EGFR: variants seen among roughly 807,000 people sequenced by gnomAD.
EGFR encodes avian erythroblastic leukemia viral (v-erb-b) oncogene homolog.
Under a neutral mutation model 143.0 loss-of-function variants are expected in EGFR, and 58 were observed. That is an observed-to-expected ratio of 0.41 (90% CI 0.33 to 0.50). The LOEUF (loss-of-function observed/expected upper bound fraction) is 0.50, where lower values mean the gene tolerates loss of function less well. Ranked by LOEUF, EGFR falls within the 20% of genes least tolerant of loss-of-function variation. EGFR has a pLI of 0.39. For synonymous variants in EGFR, 613 were observed against 594.4 expected (o/e 1.03, Z -0.45); for missense variants, 1,307 against 1,579.0 (o/e 0.83, Z 2.92).
chr7:55,065,177 T>A (rs186510886), intron 1 of EGFR, among the ~76,000 whole-genome samples: 1 of 152,210 alleles, frequency 6.6e-6, no homozygotes, highest in Admixed American at 6.5e-5. Context: ...TCCTCAGATG[T>A]GCAACTCTGG....
At chr7:55,038,759 T>C (rs1277540816) in intron 1 of EGFR, among the ~76,000 whole-genome samples, 2 of 152,258 alleles carry the variant, frequency 1.3e-5, no homozygotes, top group African/African-American at 2.4e-5. Flanking sequence ...TGTGTGTGTG[T>C]ATGTAAACCT....
At chr7:55,187,885 G>A (rs929185653) in intron 20 of EGFR, among the ~76,000 whole-genome samples, 4 of 152,138 alleles carry the variant, frequency 2.6e-5, no homozygotes, top group Non-Finnish European at 5.9e-5. Context: ...ATTTGTACAG[G>A]GGGATCCTGG....
intron 1 of EGFR, among the ~76,000 whole-genome samples, chr7:55,097,678 C>T (rs1056127935): frequency 6.6e-6 from 1 of 152,214 alleles, no homozygotes; most frequent in African/African-American, 2.4e-5. Flanking sequence ...CCTACAAACC[C>T]TGTGTCTGCC....
intron 1 of EGFR, among the ~76,000 whole-genome samples, chr7:55,113,993 G>A (rs369711168): frequency 3.4e-4 from 52 of 152,332 alleles, no homozygotes; most frequent in Admixed American, 8.5e-4. Context: ...CTAACTTGTG[G>A]CCAGGGTGGG....
At chr7:55,119,224 C>A (rs1404476354) in intron 1 of EGFR, 1 of 152,220 alleles carries the variant, frequency 6.6e-6, no homozygotes, top group Non-Finnish European at 1.5e-5. Flanking sequence ...GTACCTATTT[C>A]TCCATACACA....
rs1403923057 is a variant in EGFR at position 55,205,413 on chromosome 7, G to T, written c.3429G>T (p.Gln1143His). ...VGNPEYLNTV[Q>H]PTCVNSTFDS... Reference sequence around the variant, plus strand: ...ACCCCGAGTATCTCAACACTGTCCAGCCCACCTGTGTCAACAGCACATTCG... The same window carrying T: ...ACCCCGAGTATCTCAACACTGTCCATCCCACCTGTGTCAACAGCACATTCG... The change falls in exon 28 of 28, where the codon CAG (glutamine) becomes CAT (histidine). Residue 1143 changes from glutamine (Q) to histidine (H), a missense_variant. Physicochemically the swap from Gln to His is conservative, Grantham distance 24 (BLOSUM62 0). This residue lies in a region of EGFR where 313 missense variants were observed against 312.3 expected (regional missense o/e 1.00). Transcript: ENST00000275493. The T allele has an allele frequency of 6.2e-7, 1 of 1,614,076 alleles. No individual in the cohort carries two copies. The highest frequency in any genetic ancestry group is 1.3e-5 in the African/African-American group (1 of 75,002).
chr7:55,151,497 G>A, intron 5 of EGFR, 135 bp downstream of exon 5: 1 of 916,584 alleles, frequency 1.1e-6, no homozygotes, highest in Non-Finnish European at 1.7e-6. Flanking sequence ...GAACCAGTAG[G>A]TGAAGGACAG....
At chr7:55,173,774 C>A (rs1786464897) in intron 17 of EGFR, 147 bp from the exon 18 acceptor site, 2 of 1,251,016 alleles carry the variant, frequency 1.6e-6, no homozygotes, top group Non-Finnish European at 2.3e-6. Flanking sequence ...GTACATTTGT[C>A]CTTCCAAATG....
intron 1 of EGFR, among the ~76,000 whole-genome samples, chr7:55,027,986 AAAAAAATATAT>A (rs1443648674): frequency 1.4e-4 from 12 of 88,668 alleles, no homozygotes; most frequent in Non-Finnish European, 1.7e-4. Context: ...AAAAAAAAAA[AAAAAAATATAT>A]ATATATATAT....
rs1017054144 is a variant in EGFR, at chr7:55,173,790, G to C, written c.2062-131G>C. The C allele has an allele frequency of 9.9e-6, 14 of 1,411,100 alleles. No individual in the cohort carries two copies. In the African/African-American group the frequency reaches 1.7e-4, roughly 17 times the overall value. The allele number at this position is 1,411,100 out of a possible 1,614,324, so 87.4% of individuals were successfully genotyped here. On this transcript the variant is annotated intron_variant, in intron 17 of 27. Transcript: ENST00000275493. ...TACATTTGTCCTTCCAAATGAGCTG[G>C]CAAGTGCCGTGTCCTGGCACCCAAG...
chr7:55,037,889 A>G (rs1199700721), intron 1 of EGFR, among the ~76,000 whole-genome samples: 2 of 152,128 alleles, frequency 1.3e-5, no homozygotes, highest in African/African-American at 4.8e-5. Context: ...TCTAACTAAG[A>G]AGGATATTTG....
chr7:55,154,452 C>T lies in EGFR; in HGVS notation c.889+300C>T, dbSNP rs193035511. 3.4e-3 allele frequency among the ~76,000 whole-genome samples: 525 copies of T among 152,354 alleles called. 1 individual carries two copies. Among genetic ancestry groups the T allele is most frequent in the Non-Finnish European group, 5.7e-3 (386 of 68,024 alleles). ...CTGCTGCTCAGCCCTCACCACTCAT[C>T]CAGCAGCCACAGCCGTGGGTATTCA... On this transcript the variant is annotated intron_variant, in intron 7 of 27. Transcript: ENST00000275493.
intron 1 of EGFR, among the ~76,000 whole-genome samples, chr7:55,065,641 C>T (rs569608582): frequency 4.1e-4 from 62 of 152,246 alleles, no homozygotes; most frequent in African/African-American, 1.5e-3. Context: ...AACATGTTAG[C>T]TATGGCTGTG....
chr7:55,165,900 A>T (rs1340024637), intron 15 of EGFR, among the ~76,000 whole-genome samples: 2 of 152,244 alleles, frequency 1.3e-5, no homozygotes, highest in East Asian at 3.8e-4. Flanking sequence ...ACTTTGGGCC[A>T]GACGCAGTGG....
rs543308686 is a variant in EGFR, at chr7:55,181,109, G to C, written c.2284-184G>C. On this transcript the variant is annotated intron_variant, in intron 19 of 27. Transcript: ENST00000275493. ...GGAGGGGCCCTCTCCCACTGCATCT[G>C]TCACTTCACAGCCCTGCGTAAACGT... 13 of 726,500 alleles carry C rather than the reference G, an allele frequency of 1.8e-5. No homozygotes were observed. The South Asian group carries it at 2.1e-4, about 12-fold the overall frequency. 45.0% of individuals were successfully genotyped at this position (726,500 alleles called of 1,614,324 possible). A position where few individuals can be genotyped will look rare whatever the true frequency, so the allele number is the denominator to read the frequency against.
At position 55,146,655 on chromosome 7, in the gene EGFR, C is replaced by T. The variant is rs2072454; in HGVS notation, c.474C>T (p.Asn158=). 0.52 allele frequency: 841,008 copies of T among 1,613,822 alleles called. 220,651 individuals are homozygous for T. The highest frequency in any genetic ancestry group is 0.55 in the South Asian group (50,144 of 91,070). The part of the protein sequence containing the change: ...VRFSNNPALC[N]VESIQWRDIV... ...TCAGCAACAACCCTGCCCTGTGCAA[C>T]GTGGAGAGCATCCAGTGGCGGGACA... Residue 158 remains asparagine (N), a synonymous_variant, in exon 4 of 28, where the codon AAC becomes AAT. Transcript: ENST00000275493.
chr7:55,154,180 C>T, intron 7 of EGFR, 28 bp downstream of exon 7: 1 of 1,614,236 alleles, frequency 6.2e-7, no homozygotes, highest in Non-Finnish European at 8.5e-7. Context: ...GGCCCTCTAA[C>T]TGGTCAGGCA....
chr7:55,126,700 A>C lies in EGFR; in HGVS notation c.89-15586A>C, dbSNP rs191236019. Among the ~76,000 whole-genome samples, 13 of 152,338 alleles carry C rather than the reference A, an allele frequency of 8.5e-5. No homozygotes were observed. In the East Asian group the frequency reaches 2.3e-3, roughly 27 times the overall value. Reference sequence around the variant, plus strand: ...AGGGATTTAATTCTAGTGGGATTGAATCTCAATAGTTTCCTTATTAGGTTG... The same window carrying C: ...AGGGATTTAATTCTAGTGGGATTGACTCTCAATAGTTTCCTTATTAGGTTG... On this transcript the variant is annotated intron_variant, in intron 1 of 27. Transcript: ENST00000275493.
intron 1 of EGFR, among the ~76,000 whole-genome samples, chr7:55,075,231 C>G (rs1790069404): frequency 6.6e-6 from 1 of 151,914 alleles, no homozygotes; most frequent in Admixed American, 6.6e-5. Context: ...TTCCACCAAC[C>G]AGAGGATACT....
Sources: gnomAD v4.1 joint callset for allele counts (sites outside exome capture counted in the v4.1 genomes callset) on GRCh38, gnomAD v4.1.1 for gene constraint, gnomAD v4.1.1 regional missense constraint, MANE v1.5 for transcripts, NCBI Gene and HGNC (gene_info 2026-07-23, HGNC 2026-07-21) for gene names.